DMKN: variants seen among roughly 807,000 people sequenced by gnomAD.
DMKN encodes the protein epidermis-specific secreted protein SK30/SK89.
DMKN carries 58 observed loss-of-function variants against 67.6 expected under a neutral mutation model. The observed-to-expected ratio is 0.86, with a 90% CI of 0.69 to 1.07. DMKN has a LOEUF of 1.07. Among genes scored for constraint, DMKN ranks in the 50% least tolerant of loss-of-function variants. The pLI is 0.00. For missense variants in DMKN, 596 were observed against 601.5 expected, an observed-to-expected ratio of 0.99 and a Z score of 0.10; for synonymous variants, 240 against 232.3, an observed-to-expected ratio of 1.03 and a Z score of -0.30.
intron 9 of DMKN, chr19:35,503,574 C>T: frequency 7.7e-7 from 1 of 1,304,350 alleles, no homozygotes; most frequent in Admixed American, 2.3e-5. Context: ...TTCCCAGGTT[C>T]AAGCGATTCT....
chr19:35,501,814 G>A (rs756245516), intron 11 of DMKN: 156 of 1,563,248 alleles, frequency 1.0e-4, no homozygotes, highest in South Asian at 9.1e-4. Context: ...TGCACCCTGC[G>A]GTACCCACCC....
At position 35,500,014 on chromosome 19, in the gene DMKN, G is replaced by A. The variant is rs1044426716; in HGVS notation, c.1303C>T (p.Gln435Ter). Residue 435 changes from glutamine to a stop codon, truncating the protein, a stop_gained, in exon 13 of 16, where the codon CAG becomes TAG. Coordinates refer to ENST00000339686, the MANE Select transcript of DMKN (RefSeq NM_033317.5). LOFTEE classifies it high-confidence loss of function. ...CCATAGGCAGTGGGATACGCATGCT[G>A]GTTGTAATTGTAGTTCTGTGGAAGA... ...GRDDQNYNYN[Q>*]HAYPTAYGGK... 6.2e-6 allele frequency: 10 copies of A among 1,614,092 alleles called. No individual in the cohort carries two copies. Among genetic ancestry groups the A allele is most frequent in the Middle Eastern group, 1.6e-4 (1 of 6,084 alleles).
intron 3 of DMKN, among the ~76,000 whole-genome samples, chr19:35,512,105 C>T (rs1476517036): frequency 6.7e-6 from 1 of 149,126 alleles, no homozygotes; most frequent in Non-Finnish European, 1.5e-5. Context: ...TCAAGTGATT[C>T]TCCTGCCTCC....
At chr19:35,510,034 T>G in intron 6 of DMKN, 73 bp from the exon 7 acceptor site, 3 of 1,602,598 alleles carry the variant, frequency 1.9e-6, no homozygotes, top group Non-Finnish European at 2.6e-6. Flanking sequence ...AATGGCAGCA[T>G]TTTAACCCTG....
At chr19:35,499,613 G>C (rs767367932) in intron 13 of DMKN, among the ~76,000 whole-genome samples, 1 of 152,200 alleles carries the variant, frequency 6.6e-6, no homozygotes, top group Non-Finnish European at 1.5e-5. Flanking sequence ...GAGGGAACCT[G>C]TGAGGAAGAG....
chr19:35,503,548 T>C, intron 9 of DMKN: 1 of 1,483,742 alleles, frequency 6.7e-7, no homozygotes. Flanking sequence ...CGATATCAGC[T>C]CACCGCAACC....
chr19:35,512,334 C>G, intron 3 of DMKN, 87 bp downstream of exon 3: 1 of 1,533,120 alleles, frequency 6.5e-7, no homozygotes, highest in Non-Finnish European at 8.8e-7. Context: ...TCCACTCCCC[C>G]ATCTTGCTTT....
intron 7 of DMKN, chr19:35,507,982 C>G (rs1353320335): frequency 5.4e-6 from 3 of 555,640 alleles, no homozygotes; most frequent in Non-Finnish European, 9.4e-6. Context: ...ATAGAGTAGA[C>G]TGGCTGGTCC....
At position 35,507,197 on chromosome 19, in the gene DMKN, C is replaced by T. The variant is rs1479293899; in HGVS notation, c.1039-1211G>A. On this transcript the variant is annotated intron_variant, in intron 7 of 15. Transcript: ENST00000339686. ...CCCTAAGTATGGAAATCCCCTTGAC[C>T]ATTCTTCTGTTACTTTTATCTGTTT... 7.8e-6 allele frequency: 3 copies of T among 384,640 alleles called. No individual in the cohort carries two copies. In the Admixed American group the frequency reaches 1.2e-4, roughly 15 times the overall value. 23.8% of individuals were successfully genotyped at this position (384,640 alleles called of 1,614,324 possible). A position where few individuals can be genotyped will look rare whatever the true frequency, so the allele number is the denominator to read the frequency against.
intron 11 of DMKN, 190 bp downstream of exon 11, chr19:35,501,946 A>G (rs2068466107): frequency 6.4e-7 from 1 of 1,555,928 alleles, no homozygotes; most frequent in Middle Eastern, 1.7e-4. Context: ...CTTTTATGCT[A>G]GGGAGGTCCT....
intron 3 of DMKN, among the ~76,000 whole-genome samples, 180 bp from the exon 4 acceptor site, chr19:35,511,993 C>CT (rs11285451): frequency 0.078 from 8,801 of 113,048 alleles, 715 homozygotes; most frequent in African/African-American, 0.16. Context: ...TCTCTTCCTC[C>CT]TTTTTTTTTT....
At chr19:35,507,563 G>A in intron 7 of DMKN, 1 of 1,488,510 alleles carries the variant, frequency 6.7e-7, no homozygotes, top group Non-Finnish European at 9.2e-7. Flanking sequence ...GCGGGCAGGG[G>A]GACGAGAGGG....
At position 35,498,911 on chromosome 19, in the gene DMKN, A is replaced by G. The variant is rs1318169430; in HGVS notation, c.1360-14T>C. 6.2e-7 allele frequency: 1 copy of G among 1,614,106 alleles called. No homozygotes were observed. The highest frequency in any genetic ancestry group is 2.2e-5 in the East Asian group (1 of 44,880). On this transcript the variant is annotated splice_polypyrimidine_tract_variant and intron_variant, in intron 13 of 15. Transcript: ENST00000339686. ...TGAGACTCCCCCCTGCAAAAAGATC[A>G]AAGGAAAGTGATGTGGGGTCATGGC...
intron 11 of DMKN, 154 bp downstream of exon 11, chr19:35,501,982 G>T: frequency 6.5e-7 from 1 of 1,544,988 alleles, no homozygotes; most frequent in Admixed American, 1.9e-5. Flanking sequence ...AGTGACTCAC[G>T]GCTTCTCCCT....
intron 7 of DMKN, among the ~76,000 whole-genome samples, chr19:35,508,968 G>C (rs1012270909): frequency 2.6e-5 from 4 of 152,166 alleles, no homozygotes; most frequent in African/African-American, 4.8e-5. Flanking sequence ...TGTAATCCCA[G>C]CACTTTGAGA....
At chr19:35,510,508 G>T (rs1229892487) in intron 5 of DMKN, 5 of 1,547,944 alleles carry the variant, frequency 3.2e-6, no homozygotes, top group Non-Finnish European at 3.5e-6. Flanking sequence ...CCGCAGGCCG[G>T]GGGTGGGAAC....
Position 35,513,554 on chromosome 19 carries a change from TGTG to T in DMKN, c.-82_-80del. The T allele has an allele frequency of 6.7e-7, 1 of 1,497,656 alleles. No individual in the cohort carries two copies. Among genetic ancestry groups the T allele is most frequent in the Non-Finnish European group, 8.9e-7 (1 of 1,129,854 alleles). 92.8% of individuals were successfully genotyped at this position (1,497,656 alleles called of 1,614,324 possible). On this transcript the variant is annotated 5_prime_UTR_variant, in exon 1 of 16. Transcript: ENST00000339686. ...CCTTGCCGCCCTTGCTCTGCGTCTC[TGTG>T]CCCTCCTCTGTCCTCCTCCTTCCGA...
rs1335419606 is a variant in DMKN at position 35,509,932 on chromosome 19, C to G, written c.1017G>C (p.Gly339=). ...GCEKPGNEAR[G]SGESGIQNSE... is the part of the protein sequence containing the mutation. ...TCACCTGAATCCCAGATTCCCCGCT[C>G]CCGCGGGCTTCATTCCCTGGCTTTT... Residue 339 remains glycine (G), a synonymous_variant, in exon 7 of 16, where the codon GGG becomes GGC. Transcript: ENST00000339686. 2.5e-6 allele frequency: 4 copies of G among 1,614,206 alleles called. No individual in the cohort carries two copies. In the Admixed American group the frequency reaches 6.7e-5, roughly 27 times the overall value.
At chr19:35,512,066 C>T (rs937350313) in intron 3 of DMKN, among the ~76,000 whole-genome samples, 5 of 145,620 alleles carry the variant, frequency 3.4e-5, no homozygotes, top group East Asian at 2.1e-4. Context: ...GATGCGATCT[C>T]GGCTCACTGC....
Sources: gnomAD v4.1 joint callset for allele counts (sites outside exome capture counted in the v4.1 genomes callset) on GRCh38, gnomAD v4.1.1 for gene constraint, MANE v1.5 for transcripts, NCBI Gene and HGNC (gene_info 2026-07-23, HGNC 2026-07-21) for gene names.